CNTN5: variants seen among roughly 807,000 people sequenced by gnomAD.
The protein encoded by CNTN5 is contactin 5.
Under a neutral mutation model 129.1 loss-of-function variants are expected in CNTN5, and 77 were observed. The ratio of observed to expected loss-of-function variants is 0.60; its 90% CI spans 0.50 to 0.72. The LOEUF (loss-of-function observed/expected upper bound fraction) is 0.72. Ranked by LOEUF, CNTN5 falls within the 30% of genes least tolerant of loss-of-function variation. The pLI is 0.00. For missense variants in CNTN5, 1,478 were observed against 1,328.8 expected, an observed-to-expected ratio of 1.11 and a Z score of -1.75; for synonymous variants, 509 against 465.6, an observed-to-expected ratio of 1.09 and a Z score of -1.20.
intron 1 of CNTN5, among the ~76,000 whole-genome samples, chr11:99,239,375 C>T (rs1033649335): frequency 1.3e-5 from 2 of 152,102 alleles, no homozygotes; most frequent in Admixed American, 1.3e-4. Context: ...CATTATGGAT[C>T]AATGGTTTTA....
At chr11:100,155,580 G>T (rs1947212297) in intron 13 of CNTN5, among the ~76,000 whole-genome samples, 2 of 151,988 alleles carry the variant, frequency 1.3e-5, no homozygotes, top group Admixed American at 6.6e-5. Context: ...GCTTGATGGG[G>T]ATAGCAATGA....
chr11:99,099,668 C>G (rs190995990), intron 1 of CNTN5, among the ~76,000 whole-genome samples: 171 of 152,036 alleles, frequency 1.1e-3, no homozygotes, highest in Middle Eastern at 3.4e-3. Context: ...AGTTAAGTTG[C>G]CTTGAGACCC....
At chr11:99,310,037 G>A (rs975701612) in intron 1 of CNTN5, among the ~76,000 whole-genome samples, 2 of 151,940 alleles carry the variant, frequency 1.3e-5, no homozygotes, top group Non-Finnish European at 2.9e-5. Context: ...AGAGATATGA[G>A]GACACTTTTT....
intron 16 of CNTN5, among the ~76,000 whole-genome samples, chr11:100,242,616 A>C (rs1483206719): frequency 6.6e-6 from 1 of 152,140 alleles, no homozygotes; most frequent in Non-Finnish European, 1.5e-5. Flanking sequence ...ACTTGTAAAC[A>C]ACCAGATCTC....
intron 2 of CNTN5, among the ~76,000 whole-genome samples, chr11:99,445,868 G>A (rs542896320): frequency 6.6e-6 from 1 of 152,122 alleles, no homozygotes; most frequent in South Asian, 2.1e-4. Flanking sequence ...CGGATCACCT[G>A]AGGTCAGGAG....
chr11:100,312,173 A>C (rs1263161400), intron 21 of CNTN5, among the ~76,000 whole-genome samples: 1 of 152,098 alleles, frequency 6.6e-6, no homozygotes, highest in Non-Finnish European at 1.5e-5. Context: ...TTAATTGTGA[A>C]ATTCTTTACT....
intron 1 of CNTN5, among the ~76,000 whole-genome samples, chr11:99,290,055 A>G (rs1864104355): frequency 6.6e-6 from 1 of 151,728 alleles, no homozygotes; most frequent in African/African-American, 2.4e-5. Context: ...TTAAAAATGA[A>G]CTCTGAATAT....
chr11:99,275,433 G>C (rs1863381311), intron 1 of CNTN5, among the ~76,000 whole-genome samples: 1 of 151,528 alleles, frequency 6.6e-6, no homozygotes, highest in South Asian at 2.1e-4. Context: ...ATAATGCTCT[G>C]CTGATAAAAC....
rs527518092 is a variant in CNTN5 at position 99,858,763 on chromosome 11, T to C, written c.577+13501T>C. Reference sequence around the variant, plus strand: ...AAAAAAAAAGGCTTTGCTCATAAAATAGAAGCTACAATAAAATATTATTAC... The same window carrying C: ...AAAAAAAAAGGCTTTGCTCATAAAACAGAAGCTACAATAAAATATTATTAC... On this transcript the variant is annotated intron_variant, in intron 6 of 24. Coordinates refer to ENST00000524871, the MANE Select transcript of CNTN5 (RefSeq NM_014361.4). Among the ~76,000 whole-genome samples, 5 of 151,648 alleles carry C rather than the reference T, an allele frequency of 3.3e-5. No individual in the cohort carries two copies. In the South Asian group the frequency reaches 6.3e-4, roughly 19 times the overall value.
intron 2 of CNTN5, among the ~76,000 whole-genome samples, chr11:99,341,815 A>G: frequency 6.6e-6 from 1 of 152,210 alleles, no homozygotes; most frequent in African/African-American, 2.4e-5. Flanking sequence ...AGAAACCTTC[A>G]TGAACAGGCC....
In CNTN5 at chr11:99,925,718, G is replaced by C. The variant is rs543583019; in HGVS notation, c.673+9569G>C. On this transcript the variant is annotated intron_variant, in intron 7 of 24. Coordinates refer to ENST00000524871, the MANE Select transcript of CNTN5 (RefSeq NM_014361.4). The stretch of plus-strand genomic sequence containing the variant: ...AAAAGAGATAATTTTTGTTTTGTGG[G>C]TTTTTTTTTTCTTTTGGATTCTAAA... Among the ~76,000 whole-genome samples, 25 of 148,774 alleles carry C rather than the reference G, an allele frequency of 1.7e-4. No homozygotes were observed. In the South Asian group the frequency reaches 3.9e-3, roughly 23 times the overall value.
intron 3 of CNTN5, among the ~76,000 whole-genome samples, chr11:99,707,379 C>T (rs1954801382): frequency 6.6e-6 from 1 of 151,592 alleles, no homozygotes; most frequent in Admixed American, 6.6e-5. Context: ...ACAAATACAC[C>T]TTCAAAGAAC....
At chr11:100,045,151 C>T (rs1942602049) in intron 9 of CNTN5, among the ~76,000 whole-genome samples, 1 of 151,590 alleles carries the variant, frequency 6.6e-6, no homozygotes, top group East Asian at 1.9e-4. Flanking sequence ...ATTCCTTTCT[C>T]TAGGTGATTG....
intron 2 of CNTN5, among the ~76,000 whole-genome samples, chr11:99,337,248 C>G (rs952901190): frequency 6.6e-6 from 1 of 152,024 alleles, no homozygotes; most frequent in Admixed American, 6.6e-5. Flanking sequence ...GTGCAGAGAC[C>G]AGCTCGGTCG....
At position 100,358,596 on chromosome 11, in the gene CNTN5, A is replaced by AC. The variant is rs924930435; in HGVS notation, c.*2378dup. 6.6e-6 allele frequency: 1 copy of AC among 151,852 alleles called. No individual in the cohort carries two copies. Among genetic ancestry groups the AC allele is most frequent in the Non-Finnish European group, 1.5e-5 (1 of 67,822 alleles). The allele number at this position is 151,852 out of a possible 1,614,324, so 9.4% of individuals were successfully genotyped here. On this transcript the variant is annotated 3_prime_UTR_variant, in exon 25 of 25. Coordinates refer to ENST00000524871, the MANE Select transcript of CNTN5 (RefSeq NM_014361.4). ...GAGTTTTTTCTGCTATGGGATAGTAACCACAGTCTTAAATCACTAAAGAGA... is the reference window on the plus strand; with the variant it reads ...GAGTTTTTTCTGCTATGGGATAGTAACCCACAGTCTTAAATCACTAAAGAGA...
At chr11:100,006,478 A>G (rs938559681) in intron 9 of CNTN5, among the ~76,000 whole-genome samples, 3 of 152,138 alleles carry the variant, frequency 2.0e-5, no homozygotes, top group Non-Finnish European at 2.9e-5. Context: ...TGTCATTTCA[A>G]CAATGTCCAC....
intron 3 of CNTN5, among the ~76,000 whole-genome samples, chr11:99,726,155 TGACTACACTTAG>T (rs1285313346): frequency 6.6e-6 from 1 of 152,150 alleles, no homozygotes; most frequent in Non-Finnish European, 1.5e-5. Flanking sequence ...CCATCACTTA[TGACTACACTTAG>T]GAGAACTGAA....
At chr11:99,694,561 G>A (rs776968429) in intron 3 of CNTN5, among the ~76,000 whole-genome samples, 1 of 152,076 alleles carries the variant, frequency 6.6e-6, no homozygotes, top group Non-Finnish European at 1.5e-5. Flanking sequence ...GGACACATGT[G>A]CAGAATATGC....
At chr11:100,051,393 A>G (rs1177871081) in intron 9 of CNTN5, among the ~76,000 whole-genome samples, 3 of 152,092 alleles carry the variant, frequency 2.0e-5, no homozygotes, top group Admixed American at 2.0e-4. Context: ...CATCTAAATA[A>G]CAAAATGATC....
Sources: gnomAD v4.1 joint callset for allele counts (sites outside exome capture counted in the v4.1 genomes callset) on GRCh38, gnomAD v4.1.1 for gene constraint, MANE v1.5 for transcripts, NCBI Gene and HGNC (gene_info 2026-07-23, HGNC 2026-07-21) for gene names.